SLC39A13: variants seen among roughly 807,000 people sequenced by gnomAD.
SLC39A13 encodes solute carrier family 39 member 13, also known as zinc transporter ZIP13.
SLC39A13 carries 18 observed loss-of-function variants against 38.7 expected under a neutral mutation model. The ratio of observed to expected loss-of-function variants is 0.47; its 90% CI spans 0.32 to 0.69. The LOEUF (loss-of-function observed/expected upper bound fraction) is 0.69. Among genes scored for constraint, SLC39A13 ranks in the 30% least tolerant of loss-of-function variants. SLC39A13 has a pLI of 0.03. For synonymous variants in SLC39A13, 212 were observed against 219.1 expected, an observed-to-expected ratio of 0.97 and a Z score of 0.29; for missense variants, 395 against 490.7, an observed-to-expected ratio of 0.80 and a Z score of 1.84.
upstream of SLC39A13, among the ~76,000 whole-genome samples, chr11:47,408,383 C>G (rs889038364): frequency 5.9e-5 from 9 of 152,250 alleles, no homozygotes; most frequent in Non-Finnish European, 2.9e-5. Flanking sequence ...ACCGACCCTC[C>G]CCTCCGGCCC....
chr11:47,410,251 A>T lies in SLC39A13; in HGVS notation c.157A>T (p.Ser53Cys). Residue 53 changes from serine (S) to cysteine (C), a missense_variant, in exon 2 of 10, where the codon AGC (serine) becomes TGC (cysteine). By Grantham distance (112) the Ser-to-Cys change is moderately radical (BLOSUM62 -1). Transcript: ENST00000362021. ...GGCCTGTCGCCTGGACAACAAGGAA[A>T]GCGAGTCCTGGGGGGCTCTGCTGAG... ...ATACRLDNKE[S>C]ESWGALLSGE... is the part of the protein sequence containing the mutation. 1 of 1,614,108 alleles carries T rather than the reference A, an allele frequency of 6.2e-7. No homozygotes were observed. Among genetic ancestry groups the T allele is most frequent in the African/African-American group, 1.3e-5 (1 of 75,036 alleles).
chr11:47,415,232 G>A (rs1187551545), intron 9 of SLC39A13, 56 bp from the exon 10 acceptor site: 1 of 1,613,230 alleles, frequency 6.2e-7, no homozygotes, highest in Non-Finnish European at 8.5e-7. Context: ...AGGGCTCCTG[G>A]CCGCTGCCTG....
intron 3 of SLC39A13, 35 bp from the exon 4 acceptor site, chr11:47,412,311 G>C: frequency 6.3e-7 from 1 of 1,596,682 alleles, no homozygotes; most frequent in Non-Finnish European, 8.5e-7. Flanking sequence ...GGCTTGGCTT[G>C]GCCTGGCCTG....
At chr11:47,413,720 T>C (rs760706149) in intron 6 of SLC39A13, 34 bp downstream of exon 6, 1 of 1,604,450 alleles carries the variant, frequency 6.2e-7, no homozygotes, top group East Asian at 2.3e-5. Flanking sequence ...GCTCTGGCGA[T>C]TCCAGTGGCA....
chr11:47,408,183 C>A (rs184747396), upstream of SLC39A13, among the ~76,000 whole-genome samples: 116 of 152,344 alleles, frequency 7.6e-4, no homozygotes, highest in Middle Eastern at 3.4e-3. Context: ...CCTCCCAGCC[C>A]GACCTGGGCG....
rs751484374 is a variant in SLC39A13 at position 47,415,162 on chromosome 11, G to A, written c.1040+3G>A. 3.7e-6 allele frequency: 6 copies of A among 1,611,626 alleles called. No homozygotes were observed. The highest frequency in any genetic ancestry group is 1.1e-5 in the South Asian group (1 of 90,796). ...CTCTTGGAAGAAGAGGACCCGTGGTGAGTGACCTGTTGGAGGAAGAGGACT... is the reference window on the plus strand; with the variant it reads ...CTCTTGGAAGAAGAGGACCCGTGGTAAGTGACCTGTTGGAGGAAGAGGACT... On this transcript the variant is annotated splice_donor_region_variant and intron_variant, in intron 9 of 9. Coordinates refer to ENST00000362021, the MANE Select transcript of SLC39A13 (RefSeq NM_001128225.3).
At chr11:47,410,800 G>C (rs2095995284) in intron 2 of SLC39A13, among the ~76,000 whole-genome samples, 1 of 152,224 alleles carries the variant, frequency 6.6e-6, no homozygotes, top group South Asian at 2.1e-4. Context: ...CAAGGCCCTG[G>C]GAATCTGTTA....
intron 1 of SLC39A13, 83 bp from the exon 2 acceptor site, chr11:47,410,004 G>A (rs527539231): frequency 1.5e-4 from 234 of 1,542,148 alleles, no homozygotes; most frequent in Non-Finnish European, 1.9e-4. Flanking sequence ...GGTCCCTTGC[G>A]GGGAGGAGGG....
At position 47,410,283 on chromosome 11, in the gene SLC39A13, G is replaced by A; in HGVS notation, c.189G>A (p.Glu63=). 1 of 1,614,154 alleles carries A rather than the reference G, an allele frequency of 6.2e-7. No individual in the cohort carries two copies. Among genetic ancestry groups the A allele is most frequent in the East Asian group, 2.2e-5 (1 of 44,878 alleles). Residue 63 remains glutamate (E), a synonymous_variant, in exon 2 of 10, where the codon GAG becomes GAA. Coordinates refer to ENST00000362021, the MANE Select transcript of SLC39A13 (RefSeq NM_001128225.3). ...SESWGALLSG[E]RLDTWICSLL... Reference sequence around the variant, plus strand: ...CCTGGGGGGCTCTGCTGAGCGGAGAGCGGCTGGACACCTGGATCTGCTCCC... The same window carrying A: ...CCTGGGGGGCTCTGCTGAGCGGAGAACGGCTGGACACCTGGATCTGCTCCC...
rs1700428432 is a variant in SLC39A13, at chr11:47,411,919, CTT to C, written c.302-6_302-5del. 1 of 1,611,776 alleles carries C rather than the reference CTT, an allele frequency of 6.2e-7. No homozygotes were observed. The highest frequency in any genetic ancestry group is 1.3e-5 in the African/African-American group (1 of 74,908). On this transcript the variant is annotated splice_polypyrimidine_tract_variant and splice_region_variant and intron_variant, in intron 2 of 9. Transcript: ENST00000362021. ...CAGCCCCCAGACCCCGCATCTCTCC[CTT>C]GTAGCTGGGGCCTGGCGCCTGAAGC...
intron 2 of SLC39A13, among the ~76,000 whole-genome samples, chr11:47,411,724 G>C (rs1340140199): frequency 2.6e-5 from 4 of 152,280 alleles, no homozygotes; most frequent in Non-Finnish European, 5.9e-5. Flanking sequence ...GGACCTGTCA[G>C]CTCTTCACCA....
intron 9 of SLC39A13, 29 bp from the exon 10 acceptor site, chr11:47,415,259 C>A: frequency 1.2e-6 from 2 of 1,613,818 alleles, no homozygotes; most frequent in South Asian, 2.2e-5. Context: ...CTGCCCATGC[C>A]TCCACCGTGA....
intron 6 of SLC39A13, 157 bp downstream of exon 6, chr11:47,413,843 T>C: frequency 1.2e-6 from 1 of 829,942 alleles, no homozygotes; most frequent in Non-Finnish European, 2.0e-6. Flanking sequence ...TGGCCGCCAC[T>C]GTTCTCTGAT....
intron 1 of SLC39A13, 64 bp downstream of exon 1, chr11:47,408,726 C>T: frequency 6.5e-6 from 1 of 152,776 alleles, no homozygotes; most frequent in East Asian, 1.9e-4. Context: ...CGATCCCTCG[C>T]CCCGTCCGAC....
Position 47,414,899 on chromosome 11 carries a change from C to A in SLC39A13, c.909C>A (p.Pro303=), listed in dbSNP as rs527684138. ...GAGFAICTQS[P]KGVVGCSPAA... ...GCTTCGCCATCTGTACCCAGTCCCC[C>A]AAGGGAGTAGGTACGGGCGTGGCGG... Residue 303 remains proline, a synonymous_variant, in exon 8 of 10, where the codon CCC becomes CCA. Transcript: ENST00000362021. The A allele has an allele frequency of 6.2e-7, 1 of 1,612,380 alleles. No homozygotes were observed.
chr11:47,408,477 C>T (rs2095980501), upstream of SLC39A13: 1 of 151,242 alleles, frequency 6.6e-6, no homozygotes, highest in Non-Finnish European at 1.5e-5. Context: ...CGCCACTCCC[C>T]CCGACCCCGC....
At chr11:47,411,904 A>G (rs986658797) in intron 2 of SLC39A13, 22 bp from the exon 3 acceptor site, 9 of 1,606,392 alleles carry the variant, frequency 5.6e-6, no homozygotes, top group African/African-American at 1.3e-5. Context: ...CAGCCCCCAG[A>G]CCCCGCATCT....
At chr11:47,412,829 G>T (rs11039227) in intron 4 of SLC39A13, among the ~76,000 whole-genome samples, 147,150 of 147,856 alleles carry the variant, frequency 1, 73,228 homozygotes, top group Middle Eastern at 1. Context: ...TGGCACGATC[G>T]TGGCTCACGG....
rs2095990598 is a variant in SLC39A13 at position 47,410,160 on chromosome 11, T to C, written c.66T>C (p.Leu22=). The stretch of plus-strand genomic sequence containing the variant: ...CAAGGCTCCTCTTCCTCACTGCCCT[T>C]GCCCTGGAGCTCTTGGAAAGGGCTG... ...AGPRLLFLTA[L]ALELLERAGG... is the part of the protein sequence containing the mutation. The change falls in exon 2 of 10, where the codon CTT becomes CTC. Residue 22 remains leucine, a synonymous_variant. Transcript: ENST00000362021. 1.2e-6 allele frequency: 2 copies of C among 1,613,330 alleles called. No individual in the cohort carries two copies. Among genetic ancestry groups the C allele is most frequent in the African/African-American group, 2.7e-5 (2 of 74,926 alleles).
Sources: allele counts gnomAD v4.1 joint callset (sites outside exome capture counted in the v4.1 genomes callset), GRCh38; gene constraint gnomAD v4.1.1; transcripts MANE v1.5; gene names NCBI Gene and HGNC (gene_info 2026-07-23, HGNC 2026-07-21).